ROBO2: variants seen among roughly 807,000 people sequenced by gnomAD.
ROBO2 encodes roundabout guidance receptor 2.
ROBO2 carries 53 observed loss-of-function variants against 160.8 expected under a neutral mutation model. That is an observed-to-expected ratio of 0.33 (90% CI 0.26 to 0.41). The LOEUF is 0.41. Ranked by LOEUF, ROBO2 falls within the 10% of genes least tolerant of loss-of-function variation. The pLI is 1.00. For missense variants in ROBO2, 1,577 were observed against 1,722.4 expected (o/e 0.92, Z 1.49); for synonymous variants, 664 against 611.7 (o/e 1.09, Z -1.26).
intron 2 of ROBO2, among the ~76,000 whole-genome samples, chr3:76,744,330 T>A (rs1332264989): frequency 6.6e-6 from 1 of 151,240 alleles, no homozygotes; most frequent in African/African-American, 2.4e-5. Context: ...TTCTTCTCTT[T>A]CTTTCCTCCT....
intron 2 of ROBO2, among the ~76,000 whole-genome samples, chr3:76,799,474 C>G (rs559361765): frequency 6.6e-6 from 1 of 150,578 alleles, no homozygotes; most frequent in African/African-American, 2.4e-5. Context: ...TTTAAAAAAA[C>G]CTAAAGACTT....
chr3:76,016,192 G>C (rs1056022171), intron 2 of ROBO2, among the ~76,000 whole-genome samples: 3 of 139,338 alleles, frequency 2.2e-5, no homozygotes, highest in African/African-American at 8.1e-5. Flanking sequence ...GTTAGTCTGT[G>C]ATAGAACCAA....
At chr3:76,499,066 G>A (rs1427164897) in intron 2 of ROBO2, among the ~76,000 whole-genome samples, 1 of 152,022 alleles carries the variant, frequency 6.6e-6, no homozygotes, top group Non-Finnish European at 1.5e-5. Flanking sequence ...ACCCCTCATA[G>A]GTCAACCTAG....
chr3:77,098,286 G>C, exon 2 of ROBO2: 1 of 1,614,226 alleles, frequency 6.2e-7, no homozygotes, highest in Non-Finnish European at 8.5e-7. Context: ...CGTTTGTGTT[G>C]CGAGGAACTA....
chr3:76,661,146 T>G (rs549103396), intron 2 of ROBO2, among the ~76,000 whole-genome samples: 1 of 152,320 alleles, frequency 6.6e-6, no homozygotes, highest in Admixed American at 6.5e-5. Flanking sequence ...TAATTGAATC[T>G]GTTTGGTCAG....
intron 2 of ROBO2, among the ~76,000 whole-genome samples, chr3:76,339,171 G>T (rs1241305282): frequency 6.6e-6 from 1 of 151,860 alleles, no homozygotes; most frequent in African/African-American, 2.4e-5. Flanking sequence ...AGCTTTTCTG[G>T]ATTTTTATGA....
At chr3:77,636,157 G>C (rs944912082) in intron 24 of ROBO2, among the ~76,000 whole-genome samples, 2 of 152,034 alleles carry the variant, frequency 1.3e-5, no homozygotes, top group Admixed American at 1.3e-4. Context: ...AATTTTGGGG[G>C]TACACAAACA....
At chr3:75,952,400 C>T (rs1198275088) in intron 2 of ROBO2, among the ~76,000 whole-genome samples, 4 of 151,924 alleles carry the variant, frequency 2.6e-5, no homozygotes, top group African/African-American at 9.7e-5. Flanking sequence ...AGCAAAGTGG[C>T]ATAAGCATAA....
intron 2 of ROBO2, among the ~76,000 whole-genome samples, chr3:77,345,028 C>G (rs1014225895): frequency 1.8e-4 from 28 of 152,058 alleles, no homozygotes; most frequent in African/African-American, 6.5e-4. Context: ...TTAGCCCTTA[C>G]AGTTTATGTG....
intron 2 of ROBO2, among the ~76,000 whole-genome samples, chr3:76,763,875 G>A (rs2061440542): frequency 6.6e-6 from 1 of 151,720 alleles, no homozygotes; most frequent in Non-Finnish European, 1.5e-5. Flanking sequence ...GTGGATCAGA[G>A]CCGCATTTGC....
chr3:76,717,737 A>G (rs892026418), intron 2 of ROBO2, among the ~76,000 whole-genome samples: 2 of 152,168 alleles, frequency 1.3e-5, no homozygotes, highest in Non-Finnish European at 2.9e-5. Context: ...AAGAATCTCT[A>G]TAATTTGCAA....
chr3:76,228,910 G>A (rs539836449), intron 2 of ROBO2, among the ~76,000 whole-genome samples: 9 of 152,252 alleles, frequency 5.9e-5, no homozygotes, highest in East Asian at 1.9e-4. Context: ...TACTTGTGAC[G>A]CTGAGATGGG....
intron 2 of ROBO2, among the ~76,000 whole-genome samples, chr3:76,323,552 A>G (rs2072756348): frequency 6.6e-6 from 1 of 152,098 alleles, no homozygotes; most frequent in African/African-American, 2.4e-5. Context: ...GAAAAAGCAA[A>G]CCCTCTATTT....
chr3:76,948,908 A>ATATTTTTTTT (rs1209284372), intron 2 of ROBO2, among the ~76,000 whole-genome samples: 1 of 24,970 alleles, frequency 4.0e-5, no homozygotes, highest in African/African-American at 1.8e-4. Context: ...ATATATATAT[A>ATATTTTTTTT]TTTTTTTTTT....
At chr3:77,443,120 A>G (rs1429710136) in intron 2 of ROBO2, among the ~76,000 whole-genome samples, 4 of 152,218 alleles carry the variant, frequency 2.6e-5, no homozygotes, top group Non-Finnish European at 5.9e-5. Context: ...TTCATTGGAT[A>G]CAATGGAAAG....
chr3:76,917,199 A>G (rs971356088), intron 2 of ROBO2, among the ~76,000 whole-genome samples: 3 of 152,178 alleles, frequency 2.0e-5, no homozygotes, highest in Non-Finnish European at 4.4e-5. Context: ...TACGTATGGC[A>G]ATCAAGCCTC....
intron 2 of ROBO2, among the ~76,000 whole-genome samples, chr3:76,685,712 A>C (rs1222062504): frequency 6.6e-6 from 1 of 152,140 alleles, no homozygotes. Context: ...GTTTATCTTC[A>C]AAATAGAAGG....
At chr3:76,121,203 C>T (rs904990254) in intron 2 of ROBO2, among the ~76,000 whole-genome samples, 2 of 152,180 alleles carry the variant, frequency 1.3e-5, no homozygotes, top group South Asian at 4.2e-4. Context: ...CGAATAGAGT[C>T]CATATGGTAG....
intron 2 of ROBO2, among the ~76,000 whole-genome samples, chr3:76,285,745 A>G (rs1367947851): frequency 6.6e-6 from 1 of 152,174 alleles, no homozygotes; most frequent in African/African-American, 2.4e-5. Context: ...TAATCTATTC[A>G]AACATCGAAT....
Sources: allele counts gnomAD v4.1 joint callset (sites outside exome capture counted in the v4.1 genomes callset), GRCh38; gene constraint gnomAD v4.1.1; transcripts MANE v1.5; gene names NCBI Gene and HGNC (gene_info 2026-07-23, HGNC 2026-07-21).